Variants in AP1M1 observed in about 807,000 individuals in gnomAD.
The protein encoded by AP1M1 is adaptor related protein complex 1 subunit mu 1, also known as AP-1 complex subunit mu-1.
Under a neutral mutation model 57.1 loss-of-function variants are expected in AP1M1, and 18 were observed. The observed-to-expected ratio is 0.32, with a 90% confidence interval of 0.22 to 0.47. The LOEUF (loss-of-function observed/expected upper bound fraction) is 0.47, where lower values mean the gene tolerates loss of function less well. Ranked by LOEUF, AP1M1 falls within the 20% of genes least tolerant of loss-of-function variation. The pLI is 1.00. For synonymous variants in AP1M1, 241 were observed against 237.9 expected (o/e 1.01, Z -0.12); for missense variants, 362 against 593.5 (o/e 0.61, Z 4.05).
At chr19:16,210,079 C>T (rs768941881) in intron 5 of AP1M1, among the ~76,000 whole-genome samples, 16 of 152,072 alleles carry the variant, frequency 1.1e-4, no homozygotes, top group South Asian at 4.1e-4. Flanking sequence ...CATATGTCAC[C>T]GCAGCTGTCT....
At chr19:16,201,760 C>T (rs1448618030) in intron 1 of AP1M1, among the ~76,000 whole-genome samples, 1 of 152,144 alleles carries the variant, frequency 6.6e-6, no homozygotes, top group Non-Finnish European at 1.5e-5. Flanking sequence ...AGAGCCAGGT[C>T]AGGGCAAAGG....
In AP1M1 at chr19:16,206,535, C is replaced by T. The variant is rs1420280559; in HGVS notation, c.267+127C>T. 2.0e-6 allele frequency: 2 copies of T among 996,270 alleles called. No individual in the cohort carries two copies. The highest frequency in any genetic ancestry group is 2.2e-4 in the Middle Eastern group (1 of 4,484). The allele number at this position is 996,270 out of a possible 1,614,324, so 61.7% of individuals were successfully genotyped here. On this transcript the variant is annotated intron_variant, in intron 3 of 11. Coordinates refer to ENST00000291439, the MANE Select transcript of AP1M1 (RefSeq NM_032493.4). This position sits in a 1 kb window ranked among gnomAD's most constrained non-coding sequence, Gnocchi z 4.3. ...CCCAGGGAGCACTGGGGCTGGAAGC[C>T]CAGGAAGTGGGAAAGGGGAGTCCCA...
chr19:16,232,815 A>G (rs574060180), intron 9 of AP1M1, among the ~76,000 whole-genome samples: 6 of 152,304 alleles, frequency 3.9e-5, no homozygotes, highest in Non-Finnish European at 7.4e-5. Flanking sequence ...CCGACTGCTC[A>G]GGGCGAGACC....
chr19:16,205,331 C>G (rs2091464948), intron 2 of AP1M1, among the ~76,000 whole-genome samples: 1 of 152,200 alleles, frequency 6.6e-6, no homozygotes, highest in East Asian at 1.9e-4. Flanking sequence ...GTTTCACCCC[C>G]AGCCGGGACA....
At position 16,233,632 on chromosome 19, in the gene AP1M1, A is replaced by G; in HGVS notation, c.1173+14A>G. ...TCCGGCATCCAGGTACGTAAGGCCCAGGCGGCCGGGGCCCAGAACAGGGAC... is the reference window on the plus strand; with the variant it reads ...TCCGGCATCCAGGTACGTAAGGCCCGGGCGGCCGGGGCCCAGAACAGGGAC... On this transcript the variant is annotated intron_variant, in intron 10 of 11. Transcript: ENST00000291439. 2 of 1,606,350 alleles carry G rather than the reference A, an allele frequency of 1.2e-6. No individual in the cohort carries two copies. The highest frequency in any genetic ancestry group is 1.7e-6 in the Non-Finnish European group (2 of 1,176,166).
chr19:16,244,687 G>T lies in AP1M1; in HGVS notation c.*10252G>T, dbSNP rs576663242. 1.3e-5 allele frequency: 2 copies of T among 151,510 alleles called. No homozygotes were observed. Among genetic ancestry groups the T allele is most frequent in the Non-Finnish European group, 2.9e-5 (2 of 67,818 alleles). 9.4% of individuals were successfully genotyped at this position (151,510 alleles called of 1,614,324 possible). On this transcript the variant is annotated 3_prime_UTR_variant, in exon 12 of 12. Coordinates refer to ENST00000291439, the MANE Select transcript of AP1M1 (RefSeq NM_032493.4). ...CTACTAAAAATACAAAAAATTAGCC[G>T]GGCGCGGTGGCGGGCGCCTGTAGTC...
rs1238182510 is a variant in AP1M1 at position 16,227,528 on chromosome 19, A to G, written c.674-20A>G. 7 of 1,612,618 alleles carry G rather than the reference A, an allele frequency of 4.3e-6. No individual in the cohort carries two copies. The highest frequency in any genetic ancestry group is 5.9e-6 in the Non-Finnish European group (7 of 1,179,012). On this transcript the variant is annotated intron_variant, in intron 6 of 11. Coordinates refer to ENST00000291439, the MANE Select transcript of AP1M1 (RefSeq NM_032493.4). The surrounding 1 kb of genome is among the most constrained non-coding windows in gnomAD (Gnocchi z 6.2). Reference sequence around the variant, plus strand: ...GACCCGGAGGGCCCAGATCTGTCCTACCCTCACCCCTGACCCCAGGCGGCA... The same window carrying G: ...GACCCGGAGGGCCCAGATCTGTCCTGCCCTCACCCCTGACCCCAGGCGGCA...
At chr19:16,208,174 G>C (rs775018162) in intron 4 of AP1M1, 25 bp downstream of exon 4, 1 of 1,603,078 alleles carries the variant, frequency 6.2e-7, no homozygotes. Flanking sequence ...GTGGGGCCTG[G>C]GGCCAGGCCT....
intron 1 of AP1M1, among the ~76,000 whole-genome samples, chr19:16,199,280 G>T (rs1231644375): frequency 6.6e-6 from 1 of 152,196 alleles, no homozygotes; most frequent in Non-Finnish European, 1.5e-5. Flanking sequence ...GTGACAAATG[G>T]ACCAGAGACA....
At chr19:16,224,482 G>A (rs62116326) in intron 5 of AP1M1, among the ~76,000 whole-genome samples, 7,130 of 152,306 alleles carry the variant, frequency 0.047, 226 homozygotes, top group Non-Finnish European at 0.07. Flanking sequence ...CTCCAGATGC[G>A]ATCATCTGAG....
In AP1M1 at chr19:16,206,028, C is replaced by T. The variant is rs1425634486; in HGVS notation, c.200-313C>T. 6.6e-6 allele frequency among the ~76,000 whole-genome samples: 1 copy of T among 152,140 alleles called. No individual in the cohort carries two copies. Among genetic ancestry groups the T allele is most frequent in the Non-Finnish European group, 1.5e-5 (1 of 68,020 alleles). On this transcript the variant is annotated intron_variant, in intron 2 of 11. Transcript: ENST00000291439. This position sits in a 1 kb window ranked among gnomAD's most constrained non-coding sequence, Gnocchi z 4.3. The stretch of plus-strand genomic sequence containing the variant: ...CTTTCTGCTCCTGGAATGAGCCTCA[C>T]TCCCTCCCTGCTCAAGGCAGCCCTT...
At position 16,206,486 on chromosome 19, in the gene AP1M1, C is replaced by A; in HGVS notation, c.267+78C>A. The A allele has an allele frequency of 6.8e-7, 1 of 1,479,884 alleles. No individual in the cohort carries two copies. 91.7% of individuals were successfully genotyped at this position (1,479,884 alleles called of 1,614,324 possible). ...GCTTGTGGACCTCCCCATACCTGGC[C>A]ACCCTACAGAGAGCTGTGGCATCCC... On this transcript the variant is annotated intron_variant, in intron 3 of 11. Coordinates refer to ENST00000291439, the MANE Select transcript of AP1M1 (RefSeq NM_032493.4). This position sits in a 1 kb window ranked among gnomAD's most constrained non-coding sequence, Gnocchi z 4.3.
chr19:16,217,802 C>T (rs1020793124), intron 5 of AP1M1, among the ~76,000 whole-genome samples: 2 of 152,200 alleles, frequency 1.3e-5, no homozygotes, highest in African/African-American at 2.4e-5. Flanking sequence ...ACCACATATG[C>T]TTCTGCATCA....
rs1306065327 is a variant in AP1M1, at chr19:16,238,089, C to G, written c.*3654C>G. On this transcript the variant is annotated 3_prime_UTR_variant, in exon 12 of 12. Transcript: ENST00000291439. ...TCCTGGGCTTGAGCCATCATCCTGC[C>G]TTGGCCTCCCAAAGTGCTGGGATTA... is the stretch of plus-strand genomic sequence containing the variant. 6.6e-6 allele frequency: 1 copy of G among 152,346 alleles called. No individual in the cohort carries two copies. The highest frequency in any genetic ancestry group is 1.5e-5 in the Non-Finnish European group (1 of 68,130). The allele number at this position is 152,346 out of a possible 1,614,324, so 9.4% of individuals were successfully genotyped here.
At chr19:16,234,044 G>A in intron 10 of AP1M1, 155 bp from the exon 11 acceptor site, 1 of 728,034 alleles carries the variant, frequency 1.4e-6, no homozygotes, top group South Asian at 1.9e-5. Flanking sequence ...CATTTGCATG[G>A]TCCAGACAAA....
At position 16,223,944 on chromosome 19, in the gene AP1M1, A is replaced by G. The variant is rs558621515; in HGVS notation, c.547-2477A>G. On this transcript the variant is annotated intron_variant, in intron 5 of 11. Transcript: ENST00000291439. Reference sequence around the variant, plus strand: ...TGGGTGGACTGTATGGGCTCAGCCAATCCAGTCATGCAGGTCACTCAGGTC... The same window carrying G: ...TGGGTGGACTGTATGGGCTCAGCCAGTCCAGTCATGCAGGTCACTCAGGTC... 8.5e-5 allele frequency among the ~76,000 whole-genome samples: 13 copies of G among 152,258 alleles called. No homozygotes were observed. The East Asian group carries it at 2.5e-3, about 29-fold the overall frequency.
Position 16,206,607 on chromosome 19 carries a change from G to A in AP1M1, c.267+199G>A, listed in dbSNP as rs1324521051. 3.0e-5 allele frequency: 17 copies of A among 567,084 alleles called. No individual in the cohort carries two copies. The highest frequency in any genetic ancestry group is 1.5e-4 in the South Asian group (8 of 52,560). 35.1% of individuals were successfully genotyped at this position (567,084 alleles called of 1,614,324 possible). On this transcript the variant is annotated intron_variant, in intron 3 of 11. Transcript: ENST00000291439. The surrounding 1 kb of genome is among the most constrained non-coding windows in gnomAD (Gnocchi z 4.3). ...CTATAGCTCACGTTGCTCCCCTACCGTGGGGAAGAAAGGAAAGTGAACAGG... is the reference window on the plus strand; with the variant it reads ...CTATAGCTCACGTTGCTCCCCTACCATGGGGAAGAAAGGAAAGTGAACAGG...
At chr19:16,208,761 A>G (rs1250667721) in intron 4 of AP1M1, 2 of 360,848 alleles carry the variant, frequency 5.5e-6, no homozygotes, top group East Asian at 4.6e-5. Flanking sequence ...CCTTCCCAAC[A>G]TGGTCTTCTT....
At chr19:16,229,827 A>G (rs2091588399) in intron 9 of AP1M1, among the ~76,000 whole-genome samples, 1 of 151,920 alleles carries the variant, frequency 6.6e-6, no homozygotes, top group East Asian at 1.9e-4. Context: ...GCTTTTCCTC[A>G]TTATGTGCAA....
Sources: gnomAD v4.1 joint callset for allele counts (sites outside exome capture counted in the v4.1 genomes callset) on GRCh38, gnomAD v4.1.1 for gene constraint, Gnocchi (gnomAD v3.1) non-coding constraint, MANE v1.5 for transcripts, NCBI Gene and HGNC (gene_info 2026-07-23, HGNC 2026-07-21) for gene names.